Variants in SLIT3 observed in about 807,000 individuals in gnomAD.
SLIT3 encodes the protein slit homolog 3 protein.
In SLIT3, 68 loss-of-function variants were observed where a neutral mutation model predicts 184.0. The observed-to-expected ratio is 0.37, with a 90% CI of 0.30 to 0.45. SLIT3 has a LOEUF of 0.45. Ranked by LOEUF, SLIT3 falls within the 20% of genes least tolerant of loss-of-function variation. The probability of loss-of-function intolerance (pLI) is 1.00; values close to 1 mark genes in which losing one functional copy is unlikely to be tolerated. For synonymous variants in SLIT3, 831 were observed against 828.6 expected (o/e 1.00, Z -0.05); for missense variants, 1,707 against 2,026.0 (o/e 0.84, Z 3.02).
chr5:169,141,402 AT>A (rs892953416), intron 4 of SLIT3, among the ~76,000 whole-genome samples: 2 of 149,326 alleles, frequency 1.3e-5, no homozygotes, highest in African/African-American at 2.5e-5. Flanking sequence ...AGACTGTAAG[AT>A]TTTTTTTTGT....
In SLIT3 at chr5:168,729,809, C is replaced by G. The variant is rs372622164; in HGVS notation, c.2271-5325G>C. On this transcript the variant is annotated intron_variant, in intron 20 of 35. Transcript: ENST00000519560. ...CCACAAAGACAGAAAAAGAAAGAAA[C>G]AAGGAATTTATAAAACAACTTGAAA... Among the ~76,000 whole-genome samples the G allele has an allele frequency of 5.3e-5, 8 of 152,046 alleles. No individual in the cohort carries two copies. The East Asian group carries it at 7.7e-4, about 15-fold the overall frequency.
chr5:169,143,046 G>T lies in SLIT3; in HGVS notation c.413+50433C>A, dbSNP rs562234393. 2.6e-5 allele frequency among the ~76,000 whole-genome samples: 4 copies of T among 152,342 alleles called. No homozygotes were observed. The East Asian group carries it at 7.7e-4, about 29-fold the overall frequency. On this transcript the variant is annotated intron_variant, in intron 4 of 35. Coordinates refer to ENST00000519560, the MANE Select transcript of SLIT3 (RefSeq NM_003062.4). ...AGGAAGCAGATAGGAAAGGAGGGTGGATCCTAATAGCCAGTAAGTCCCTAT... is the reference window on the plus strand; with the variant it reads ...AGGAAGCAGATAGGAAAGGAGGGTGTATCCTAATAGCCAGTAAGTCCCTAT...
intron 4 of SLIT3, among the ~76,000 whole-genome samples, chr5:169,046,975 C>T (rs984679025): frequency 1.3e-5 from 2 of 151,956 alleles, no homozygotes; most frequent in East Asian, 1.9e-4. Flanking sequence ...CTACTCTGGC[C>T]GCAGTAAAGA....
chr5:168,867,573 G>A (rs1236011263), intron 5 of SLIT3, among the ~76,000 whole-genome samples: 1 of 152,258 alleles, frequency 6.6e-6, no homozygotes, highest in African/African-American at 2.4e-5. Flanking sequence ...ATACCCTGAT[G>A]TAGGCAGAGT....
chr5:169,117,985 A>G (rs970072489), intron 4 of SLIT3, among the ~76,000 whole-genome samples: 26 of 152,172 alleles, frequency 1.7e-4, no homozygotes, highest in Admixed American at 9.2e-4. Flanking sequence ...GTCACATTCT[A>G]TGATGTGTGC....
In SLIT3 at chr5:168,762,526, A is replaced by G. The variant is rs764084246; in HGVS notation, c.1610+13T>C. 1.2e-6 allele frequency: 2 copies of G among 1,610,556 alleles called. No homozygotes were observed. The highest frequency in any genetic ancestry group is 2.7e-5 in the African/African-American group (2 of 74,810). On this transcript the variant is annotated intron_variant, in intron 15 of 35. Coordinates refer to ENST00000519560, the MANE Select transcript of SLIT3 (RefSeq NM_003062.4). ...GGGGAGGAGTAGGGAGTTCACGCCG[A>G]GGTTGGACTTACAGGTCGGTGACAT... is the stretch of plus-strand genomic sequence containing the variant.
At chr5:168,934,391 A>C (rs1762086656) in intron 4 of SLIT3, among the ~76,000 whole-genome samples, 1 of 152,230 alleles carries the variant, frequency 6.6e-6, no homozygotes, top group South Asian at 2.1e-4. Flanking sequence ...TTTTCTCTGC[A>C]GGGGGTGGAA....
At chr5:169,235,109 A>G (rs1453680570) in intron 3 of SLIT3, among the ~76,000 whole-genome samples, 2 of 152,144 alleles carry the variant, frequency 1.3e-5, no homozygotes, top group African/African-American at 4.8e-5. Flanking sequence ...CAGTACTATC[A>G]GTTTTGTTTT....
intron 3 of SLIT3, among the ~76,000 whole-genome samples, chr5:169,214,749 T>G (rs756402942): frequency 6.6e-6 from 1 of 152,242 alleles, no homozygotes. Flanking sequence ...ATGTTCACCA[T>G]GGACACTGTC....
intron 3 of SLIT3, among the ~76,000 whole-genome samples, chr5:169,210,970 G>A (rs1375197046): frequency 2.6e-5 from 4 of 152,168 alleles, no homozygotes; most frequent in Non-Finnish European, 5.9e-5. Flanking sequence ...AGTGTGATGT[G>A]AGCAGAGATT....
At chr5:169,010,319 C>G (rs1026883705) in intron 4 of SLIT3, among the ~76,000 whole-genome samples, 3 of 151,974 alleles carry the variant, frequency 2.0e-5, no homozygotes, top group Admixed American at 2.0e-4. Flanking sequence ...CTTGGTTGCT[C>G]CTTTATTTTA....
intron 4 of SLIT3, among the ~76,000 whole-genome samples, chr5:168,982,354 C>G (rs184266417): frequency 1.3e-5 from 2 of 152,228 alleles, no homozygotes; most frequent in Admixed American, 1.3e-4. Flanking sequence ...ACTCAGCTCT[C>G]TCTCCATGTG....
chr5:168,854,410 C>CAGTA (rs60262224), intron 5 of SLIT3, among the ~76,000 whole-genome samples: 1 of 150,780 alleles, frequency 6.6e-6, no homozygotes, highest in Non-Finnish European at 1.5e-5. Flanking sequence ...CCTTGTCTCT[C>CAGTA]AGATTCCTTG....
chr5:169,004,638 A>G (rs573311869), intron 4 of SLIT3, among the ~76,000 whole-genome samples: 1 of 152,232 alleles, frequency 6.6e-6, no homozygotes, highest in Admixed American at 6.5e-5. Context: ...TATGAACTGC[A>G]TGTCTGTGTC....
At chr5:168,980,974 T>C (rs1051569059) in intron 4 of SLIT3, among the ~76,000 whole-genome samples, 2 of 152,228 alleles carry the variant, frequency 1.3e-5, no homozygotes, top group Non-Finnish European at 2.9e-5. Context: ...TGAAATACCA[T>C]GAAGCTATGG....
At chr5:168,833,486 C>T (rs550878229) in intron 6 of SLIT3, among the ~76,000 whole-genome samples, 44 of 152,304 alleles carry the variant, frequency 2.9e-4, no homozygotes, top group Non-Finnish European at 4.4e-5. Context: ...CTGGTCTCTT[C>T]CAGACTGCCA....
rs920337649 is a variant in SLIT3, at chr5:168,754,007, T to C, written c.1686A>G (p.Ile562Met). ...IFKKLPNLRKINLSNNKIKEV... is the reference protein window; with the variant it reads ...IFKKLPNLRKMNLSNNKIKEV... ...CCTTGATCTTATTGTTACTCAGATT[T>C]CTAGAAGGAAGAAACAGAATAGGGG... The change falls in exon 17 of 36, where the codon ATA becomes ATG. Residue 562 changes from isoleucine to methionine, a missense_variant and splice_region_variant. Physicochemically the swap from Ile to Met is conservative, Grantham distance 10. Transcript: ENST00000519560. The C allele has an allele frequency of 2.5e-6, 4 of 1,575,122 alleles. No homozygotes were observed. The African/African-American group carries it at 5.4e-5, about 21-fold the overall frequency.
chr5:169,071,986 G>A lies in SLIT3; in HGVS notation c.413+121493C>T, dbSNP rs1360585694. On this transcript the variant is annotated intron_variant, in intron 4 of 35. Coordinates refer to ENST00000519560, the MANE Select transcript of SLIT3 (RefSeq NM_003062.4). ...TTTGATGTTGCTTGGATGTAAGTTGGCTTGAGTTGGAACTAGAACAATAGC... is the reference window on the plus strand; with the variant it reads ...TTTGATGTTGCTTGGATGTAAGTTGACTTGAGTTGGAACTAGAACAATAGC... Among the ~76,000 whole-genome samples the A allele has an allele frequency of 2.6e-5, 4 of 152,022 alleles. No homozygotes were observed. In the East Asian group the frequency reaches 5.8e-4, roughly 22 times the overall value.
intron 12 of SLIT3, among the ~76,000 whole-genome samples, chr5:168,783,953 A>G (rs931052919): frequency 2.0e-5 from 3 of 152,154 alleles, no homozygotes; most frequent in South Asian, 4.1e-4. Context: ...GACCCATGCA[A>G]AGTCCTGTTG....
Sources: allele counts gnomAD v4.1 joint callset (sites outside exome capture counted in the v4.1 genomes callset), GRCh38; gene constraint gnomAD v4.1.1; transcripts MANE v1.5; gene names NCBI Gene and HGNC (gene_info 2026-07-23, HGNC 2026-07-21).